The following RFX7 variants were observed in gnomAD, a reference collection of about 807,000 sequenced individuals.
RFX7 encodes DNA-binding protein RFX7.
In RFX7, 26 loss-of-function variants were observed where a neutral mutation model predicts 111.8. The observed-to-expected ratio is 0.23, with a 90% CI of 0.17 to 0.32. The LOEUF is 0.32. Ranked by LOEUF, RFX7 falls within the 10% of genes least tolerant of loss-of-function variation. The pLI is 1.00. For synonymous variants in RFX7, 624 were observed against 624.4 expected, an observed-to-expected ratio of 1.00 and a Z score of 0.01; for missense variants, 1,573 against 1,772.9, an observed-to-expected ratio of 0.89 and a Z score of 2.02.
chr15:56,196,547 G>A (rs546987546), intron 2 of RFX7, among the ~76,000 whole-genome samples: 29 of 151,896 alleles, frequency 1.9e-4, no homozygotes, highest in Non-Finnish European at 3.4e-4. Flanking sequence ...GGATTCAATT[G>A]TGTGTCCAGA....
Position 56,105,448 on chromosome 15 carries a change from T to TAAAC in RFX7, c.402-1782_402-1779dup, listed in dbSNP as rs568290535. Among the ~76,000 whole-genome samples the TAAAC allele has an allele frequency of 4.0e-3, 616 of 152,208 alleles. 1 individual carries two copies. Among genetic ancestry groups the TAAAC allele is most frequent in the Non-Finnish European group, 7.2e-3 (490 of 67,988 alleles). ...AGACCATCTGTATTTAAAACTATAA[T>TAAAC]AAACATTAAAGAAACACATTAAAAG... On this transcript the variant is annotated intron_variant, in intron 5 of 9. Transcript: ENST00000559447.
chr15:56,149,213 T>C lies in RFX7; in HGVS notation c.196-4730A>G, dbSNP rs544639729. Among the ~76,000 whole-genome samples the C allele has an allele frequency of 2.0e-5, 3 of 152,274 alleles. No individual in the cohort carries two copies. In the South Asian group the frequency reaches 6.2e-4, roughly 32 times the overall value. On this transcript the variant is annotated intron_variant, in intron 3 of 9. Coordinates refer to ENST00000559447, the MANE Select transcript of RFX7 (RefSeq NM_022841.7). The stretch of plus-strand genomic sequence containing the variant: ...TCCTGTCAATGTTGGTTCTGAGGGA[T>C]TATTTGGAACAGTGGTCTTCAGTGA...
chr15:56,151,401 T>C (rs1389225707), intron 3 of RFX7, among the ~76,000 whole-genome samples: 1 of 152,198 alleles, frequency 6.6e-6, no homozygotes, highest in Non-Finnish European at 1.5e-5. Flanking sequence ...TGGGAGCCAA[T>C]ATTCAACATT....
At chr15:56,244,674 T>C (rs1328477531), upstream of RFX7, among the ~76,000 whole-genome samples, 1 of 148,550 alleles carries the variant, frequency 6.7e-6, no homozygotes, top group African/African-American at 2.5e-5. Context: ...TCGCGGCTTG[T>C]CAGGGTCCCT....
At chr15:56,228,591 G>A (rs1469040202) in intron 2 of RFX7, among the ~76,000 whole-genome samples, 2 of 152,028 alleles carry the variant, frequency 1.3e-5, no homozygotes, top group African/African-American at 4.8e-5. Flanking sequence ...TTTTTCATCA[G>A]TTCATTTAAT....
chr15:56,235,111 A>T (rs1157177975), intron 2 of RFX7, among the ~76,000 whole-genome samples: 1 of 152,154 alleles, frequency 6.6e-6, no homozygotes, highest in African/African-American at 2.4e-5. Context: ...GGAAGCAAAG[A>T]AAAAGGGTTA....
chr15:56,129,553 A>G (rs1319505249), intron 5 of RFX7, among the ~76,000 whole-genome samples: 1 of 152,216 alleles, frequency 6.6e-6, no homozygotes, highest in Admixed American at 6.5e-5. Context: ...TGTGAAGCAC[A>G]TAGGAATATG....
chr15:56,138,931 T>C (rs2042346666), intron 5 of RFX7, among the ~76,000 whole-genome samples: 1 of 152,190 alleles, frequency 6.6e-6, no homozygotes, highest in Admixed American at 6.5e-5. Flanking sequence ...TTTAAGAATG[T>C]TGAATATTGG....
At chr15:56,126,835 G>C (rs539679617) in intron 5 of RFX7, among the ~76,000 whole-genome samples, 6 of 151,900 alleles carry the variant, frequency 3.9e-5, no homozygotes, top group African/African-American at 9.7e-5. Context: ...TGTAACAATC[G>C]TAACTTTTTA....
chr15:56,172,806 G>A (rs1417669606), intron 3 of RFX7, among the ~76,000 whole-genome samples: 2 of 152,182 alleles, frequency 1.3e-5, no homozygotes, highest in Non-Finnish European at 2.9e-5. Flanking sequence ...AAGAAAAAGA[G>A]GGTGTGAAGG....
At chr15:56,220,763 C>T (rs55942364) in intron 2 of RFX7, among the ~76,000 whole-genome samples, 19,803 of 152,094 alleles carry the variant, frequency 0.13, 1,684 homozygotes, top group East Asian at 0.44. Flanking sequence ...GTTCCTATGA[C>T]CAGAATGTTA....
chr15:56,131,206 AC>A (rs1249470066), intron 5 of RFX7, among the ~76,000 whole-genome samples: 1 of 151,978 alleles, frequency 6.6e-6, no homozygotes, highest in Non-Finnish European at 1.5e-5. Context: ...ATGGTACACT[AC>A]AAGATAACAC....
rs983527400 is a variant in RFX7, at chr15:56,142,780, G to A, written c.399C>T (p.Tyr133=). ...GCCATATTACACATACTACTTACTTGTACTCATCATAGACTTCCTGTTTGG... is the reference window on the plus strand; with the variant it reads ...GCCATATTACACATACTACTTACTTATACTCATCATAGACTTCCTGTTTGG... ...SLPKQEVYDE[Y]KSYCDNLGYH... Residue 133 remains tyrosine (Y), a splice_region_variant and synonymous_variant, in exon 5 of 10, where the codon TAC becomes TAT. Coordinates refer to ENST00000559447, the MANE Select transcript of RFX7 (RefSeq NM_022841.7). The A allele has an allele frequency of 5.0e-6, 8 of 1,612,386 alleles. No homozygotes were observed. In the African/African-American group the frequency reaches 1.1e-4, roughly 22 times the overall value.
rs2041849655 is a variant in RFX7, at chr15:56,107,659, CAT to C, written c.402-3991_402-3990del. ...CCTTAAGACAGGTAGTTTTATTAAA[CAT>C]ATTTTATAGATGAGGAACTTGCACA... On this transcript the variant is annotated intron_variant, in intron 5 of 9. Coordinates refer to ENST00000559447, the MANE Select transcript of RFX7 (RefSeq NM_022841.7). 2.0e-5 allele frequency among the ~76,000 whole-genome samples: 3 copies of C among 152,220 alleles called. No individual in the cohort carries two copies. In the South Asian group the frequency reaches 6.2e-4, roughly 32 times the overall value.
intron 2 of RFX7, among the ~76,000 whole-genome samples, chr15:56,217,550 AAC>A (rs1181060549): frequency 6.6e-6 from 1 of 152,148 alleles, no homozygotes; most frequent in Admixed American, 6.5e-5. Flanking sequence ...ACTATTATAA[AAC>A]ACACACTTTA....
intron 8 of RFX7, among the ~76,000 whole-genome samples, chr15:56,098,994 A>G (rs1244476917): frequency 6.6e-6 from 1 of 152,230 alleles, no homozygotes; most frequent in South Asian, 2.1e-4. Context: ...TAACAAGACT[A>G]AAGTTAAGAT....
At chr15:56,195,267 G>A (rs2043137061) in intron 2 of RFX7, among the ~76,000 whole-genome samples, 1 of 152,086 alleles carries the variant, frequency 6.6e-6, no homozygotes. Context: ...AATGAAGAGT[G>A]ACTGCTTAAT....
At chr15:56,139,509 A>AAG (rs2042357373) in intron 5 of RFX7, among the ~76,000 whole-genome samples, 2 of 152,062 alleles carry the variant, frequency 1.3e-5, no homozygotes, top group Admixed American at 1.3e-4. Context: ...TTCTAGTTAT[A>AAG]CATTCTTCTA....
In RFX7 at chr15:56,095,882, C is replaced by T. The variant is rs921505470; in HGVS notation, c.1846G>A (p.Gly616Ser). 1 of 1,605,556 alleles carries T rather than the reference C, an allele frequency of 6.2e-7. No individual in the cohort carries two copies. Among genetic ancestry groups the T allele is most frequent in the Non-Finnish European group, 8.5e-7 (1 of 1,179,844 alleles). ...CNEMLPGTSTGNNQSTITLSV... is the reference protein window; with the variant it reads ...CNEMLPGTSTSNNQSTITLSV... ...AGAGTGATAGTGCTTTGATTATTGC[C>T]TGTTGACGTGCCTGGCAGCATTTCA... Residue 616 changes from glycine to serine, a missense_variant, in exon 10 of 10, where the codon GGC (glycine) becomes AGC (serine). Physicochemically the swap from Gly to Ser is moderately conservative, Grantham distance 56. This residue lies in a region of RFX7 where 625 missense variants were observed against 632.2 expected (regional missense o/e 0.99). Transcript: ENST00000559447.
Sources: allele counts gnomAD v4.1 joint callset (sites outside exome capture counted in the v4.1 genomes callset), GRCh38; gene constraint gnomAD v4.1.1; regional missense constraint gnomAD v4.1.1; transcripts MANE v1.5; gene names NCBI Gene and HGNC (gene_info 2026-07-23, HGNC 2026-07-21).